OSBPL9: variants seen among roughly 807,000 people sequenced by gnomAD.
OSBPL9 encodes the protein oxysterol binding protein like 9, also known as oxysterol-binding protein-related protein 9.
In OSBPL9, 40 loss-of-function variants were observed where a neutral mutation model predicts 106.6. The ratio of observed to expected loss-of-function variants is 0.38; its 90% CI spans 0.29 to 0.49. OSBPL9 has a LOEUF of 0.49. OSBPL9 is among the 20% of genes least tolerant of loss of function. The pLI, the probability that OSBPL9 is intolerant of heterozygous loss-of-function variation, is 0.97. For synonymous variants in OSBPL9, 269 were observed against 295.4 expected (o/e 0.91, Z 0.92); for missense variants, 609 against 887.2 (o/e 0.69, Z 3.98).
At chr1:51,745,312 C>T in intron 4 of OSBPL9, 2 of 502,212 alleles carry the variant, frequency 4.0e-6, no homozygotes, top group East Asian at 4.5e-5. Flanking sequence ...TGAGCAGCAG[C>T]ATGTGTAACT....
At chr1:51,539,096 T>A in the OSBPL9 span, among the ~76,000 whole-genome samples, 17,659 of 152,216 alleles carry the variant, frequency 0.12, 1,097 homozygotes, top group Middle Eastern at 0.18. Flanking sequence ...TTACATCTTT[T>A]TCCCAGACCT....
chr1:51,617,230 T>C lies in OSBPL9; in HGVS notation c.111+9T>C, dbSNP rs1288440483. 5.0e-6 allele frequency: 8 copies of C among 1,604,708 alleles called. No individual in the cohort carries two copies. Among genetic ancestry groups the C allele is most frequent in the South Asian group, 1.1e-5 (1 of 89,748 alleles). On this transcript the variant is annotated intron_variant, in intron 1 of 23. Coordinates refer to ENST00000428468, the MANE Select transcript of OSBPL9 (RefSeq NM_024586.6). ...TGCTCTCCTACTACACGGTGAGTCCTTGGAGGGCACAGCTCCAGGCGCCTC... is the reference window on the plus strand; with the variant it reads ...TGCTCTCCTACTACACGGTGAGTCCCTGGAGGGCACAGCTCCAGGCGCCTC...
intron 4 of OSBPL9, among the ~76,000 whole-genome samples, chr1:51,739,790 T>G: frequency 6.6e-6 from 1 of 151,996 alleles, no homozygotes; most frequent in Non-Finnish European, 1.5e-5. Flanking sequence ...TGTAAATGTT[T>G]CCAAATTTTC....
At chr1:51,763,005 C>T (rs537049335) in intron 11 of OSBPL9, among the ~76,000 whole-genome samples, 4 of 151,936 alleles carry the variant, frequency 2.6e-5, no homozygotes, top group South Asian at 2.1e-4. Flanking sequence ...TTTGTTTAAA[C>T]GTTTTGTTTT....
chr1:51,664,107 G>A (rs1186672453), intron 2 of OSBPL9, among the ~76,000 whole-genome samples: 2 of 152,112 alleles, frequency 1.3e-5, no homozygotes, highest in Non-Finnish European at 2.9e-5. Context: ...CTGTGACCTA[G>A]CAAATTTACT....
In OSBPL9 at chr1:51,747,932, G is replaced by A. The variant is rs1668375357; in HGVS notation, c.463-437G>A. 3.3e-5 allele frequency among the ~76,000 whole-genome samples: 5 copies of A among 152,048 alleles called. No individual in the cohort carries two copies. The South Asian group carries it at 1.0e-3, about 32-fold the overall frequency. ...AGCCTCCCAAGTAGGTGGGACTACA[G>A]GTGCCTGCCACCACGCCCAGCTAAT... On this transcript the variant is annotated intron_variant, in intron 6 of 23. Coordinates refer to ENST00000428468, the MANE Select transcript of OSBPL9 (RefSeq NM_024586.6).
At chr1:51,527,915 C>G in the OSBPL9 span, among the ~76,000 whole-genome samples, 2 of 150,666 alleles carry the variant, frequency 1.3e-5, no homozygotes, top group African/African-American at 4.9e-5. Flanking sequence ...GAGTTCGAGA[C>G]CAGCCTGGCC....
intron 9 of OSBPL9, chr1:51,760,309 C>T (rs985398270): frequency 8.4e-5 from 18 of 213,206 alleles, no homozygotes; most frequent in Non-Finnish European, 1.4e-4. Flanking sequence ...ATCAGTTGGA[C>T]ATTTGGTGTA....
chr1:51,669,628 T>C, intron 3 of OSBPL9, 116 bp downstream of exon 3: 2 of 920,962 alleles, frequency 2.2e-6, no homozygotes, highest in South Asian at 1.4e-5. Flanking sequence ...CATGAACGAG[T>C]GCATAGGAAC....
At chr1:51,702,825 G>A (rs1430617061) in intron 3 of OSBPL9, among the ~76,000 whole-genome samples, 1 of 152,160 alleles carries the variant, frequency 6.6e-6, no homozygotes, top group Non-Finnish European at 1.5e-5. Context: ...TTTGTATAAG[G>A]TGTAAGGAAG....
upstream of OSBPL9, among the ~76,000 whole-genome samples, chr1:51,615,559 T>A (rs139383555): frequency 7.7e-4 from 117 of 152,288 alleles, no homozygotes; most frequent in Non-Finnish European, 1.4e-3. Context: ...ATGTCCCCAG[T>A]TTTTCCCTCT....
chr1:51,630,949 T>TA, intron 1 of OSBPL9, among the ~76,000 whole-genome samples: 1 of 152,360 alleles, frequency 6.6e-6, no homozygotes, highest in East Asian at 1.9e-4. Context: ...TTTTTCTTGT[T>TA]AAAAATACAA....
At chr1:51,705,940 A>G (rs1029035881) in intron 3 of OSBPL9, among the ~76,000 whole-genome samples, 2 of 152,226 alleles carry the variant, frequency 1.3e-5, no homozygotes, top group African/African-American at 4.8e-5. Flanking sequence ...AGAGTCATGC[A>G]TCAGTATATA....
At chr1:51,761,666 T>C (rs1366728722) in intron 10 of OSBPL9, among the ~76,000 whole-genome samples, 1 of 152,200 alleles carries the variant, frequency 6.6e-6, no homozygotes, top group Non-Finnish European at 1.5e-5. Context: ...TCCTGCCTGG[T>C]ATCTTAGTAC....
At chr1:51,783,282 C>T (rs894934191) in intron 17 of OSBPL9, among the ~76,000 whole-genome samples, 1 of 152,002 alleles carries the variant, frequency 6.6e-6, no homozygotes, top group African/African-American at 2.4e-5. Flanking sequence ...TCACATGATC[C>T]TCCCACCTCA....
At chr1:51,709,597 T>A (rs1273167780) in intron 3 of OSBPL9, 1 of 152,590 alleles carries the variant, frequency 6.6e-6, no homozygotes, top group Non-Finnish European at 1.5e-5. Flanking sequence ...GGCTTCAGCA[T>A]CTCGGTGCAG....
intron 2 of OSBPL9, among the ~76,000 whole-genome samples, chr1:51,603,718 G>A (rs1038587964): frequency 2.0e-5 from 3 of 152,162 alleles, no homozygotes; most frequent in African/African-American, 4.8e-5. Flanking sequence ...AAACATTTCA[G>A]CCGGGGTCTT....
chr1:51,738,077 T>C (rs1324476792), intron 4 of OSBPL9, among the ~76,000 whole-genome samples: 1 of 152,084 alleles, frequency 6.6e-6, no homozygotes, highest in African/African-American at 2.4e-5. Flanking sequence ...TATGGGTTTG[T>C]TGAATAAATT....
At chr1:51,760,131 G>T (rs892556326) in intron 9 of OSBPL9, 2 of 153,822 alleles carry the variant, frequency 1.3e-5, no homozygotes, top group African/African-American at 4.8e-5. Flanking sequence ...GTATGTGTAG[G>T]TTGTATGCAA....
Sources: gnomAD v4.1 joint callset for allele counts (sites outside exome capture counted in the v4.1 genomes callset) on GRCh38, gnomAD v4.1.1 for gene constraint, MANE v1.5 for transcripts, NCBI Gene and HGNC (gene_info 2026-07-23, HGNC 2026-07-21) for gene names.